Variants in IGSF11 observed in about 807,000 individuals in gnomAD.
IGSF11 encodes the protein CXADR like 1.
Under a neutral mutation model 41.0 loss-of-function variants are expected in IGSF11, and 22 were observed. That is an observed-to-expected ratio of 0.54 (90% CI 0.38 to 0.77). The LOEUF is 0.77. Ranked by LOEUF, IGSF11 falls within the 30% of genes least tolerant of loss-of-function variation. The pLI is 0.00. For missense variants in IGSF11, 444 were observed against 530.8 expected, an observed-to-expected ratio of 0.84 and a Z score of 1.61; for synonymous variants, 219 against 201.3, an observed-to-expected ratio of 1.09 and a Z score of -0.74.
intron 1 of IGSF11, among the ~76,000 whole-genome samples, chr3:119,071,632 T>C (rs116810767): frequency 0.016 from 2,432 of 152,128 alleles, 77 homozygotes; most frequent in African/African-American, 0.056. Flanking sequence ...AAATTGACCA[T>C]ATATATGAGC....
chr3:119,084,231 G>T (rs189309438), intron 1 of IGSF11, among the ~76,000 whole-genome samples: 15 of 152,218 alleles, frequency 9.9e-5, no homozygotes, highest in Non-Finnish European at 2.1e-4. Flanking sequence ...ACCAAATGTG[G>T]AAGGTGAAAA....
At chr3:119,057,073 G>T (rs1351341697) in intron 1 of IGSF11, among the ~76,000 whole-genome samples, 52 of 152,104 alleles carry the variant, frequency 3.4e-4, no homozygotes, top group African/African-American at 7.7e-4. Context: ...AAGACAGGGA[G>T]GCCCTCTCTC....
intron 1 of IGSF11, among the ~76,000 whole-genome samples, chr3:119,010,392 G>C (rs1015175333): frequency 1.3e-5 from 2 of 152,254 alleles, no homozygotes; most frequent in African/African-American, 4.8e-5. Flanking sequence ...AACTTAACTA[G>C]AGTAAGGGAT....
In IGSF11 at chr3:118,967,792, T is replaced by C. The variant is rs561706148; in HGVS notation, c.53-37517A>G. ...AGCAAGTGAATACATATAGTTGTAT[T>C]GTTTTCCTCTTTGTAGGAGCTTTTC... On this transcript the variant is annotated intron_variant, in intron 1 of 6. Transcript: ENST00000393775. Among the ~76,000 whole-genome samples, 20 of 152,344 alleles carry C rather than the reference T, an allele frequency of 1.3e-4. 1 individual carries two copies. In the South Asian group the frequency reaches 3.1e-3, roughly 24 times the overall value.
chr3:119,107,310 G>A (rs1161382085), upstream of IGSF11, among the ~76,000 whole-genome samples: 3 of 152,158 alleles, frequency 2.0e-5, no homozygotes, highest in Non-Finnish European at 4.4e-5. Context: ...TCTCATTGTG[G>A]TTTTGATTTG....
intron 1 of IGSF11, among the ~76,000 whole-genome samples, chr3:118,934,860 C>T (rs1243605208): frequency 6.6e-6 from 1 of 152,140 alleles, no homozygotes; most frequent in African/African-American, 2.4e-5. Context: ...CTCTTGACTC[C>T]TGGAATCTGA....
At chr3:118,928,433 A>C in intron 3 of IGSF11, 76 bp downstream of exon 3, 1 of 1,146,120 alleles carries the variant, frequency 8.7e-7, no homozygotes, top group Non-Finnish European at 1.3e-6. Flanking sequence ...GTGTAGAAAC[A>C]AGGGCAGAAG....
At chr3:119,011,087 C>T (rs1329573023) in intron 1 of IGSF11, among the ~76,000 whole-genome samples, 5 of 152,030 alleles carry the variant, frequency 3.3e-5, no homozygotes, top group African/African-American at 1.2e-4. Context: ...CAACGTTGGA[C>T]AACATATGAA....
chr3:118,968,383 G>C (rs1932953201), intron 1 of IGSF11, among the ~76,000 whole-genome samples: 3 of 152,138 alleles, frequency 2.0e-5, no homozygotes, highest in Admixed American at 6.5e-5. Flanking sequence ...CATGAGAAAA[G>C]AAGATCTAGC....
At chr3:119,115,102 T>C (rs1364764373) in intron 1 of IGSF11, among the ~76,000 whole-genome samples, 4 of 152,142 alleles carry the variant, frequency 2.6e-5, no homozygotes, top group South Asian at 2.1e-4. Context: ...TCCTTGAACA[T>C]TGGGGTTACA....
intron 1 of IGSF11, among the ~76,000 whole-genome samples, chr3:118,939,999 C>T (rs1025494963): frequency 6.6e-6 from 1 of 152,028 alleles, no homozygotes; most frequent in Non-Finnish European, 1.5e-5. Context: ...ATTATCAATT[C>T]AGATATGAAA....
intron 4 of IGSF11, among the ~76,000 whole-genome samples, chr3:118,913,892 A>G (rs942710921): frequency 3.9e-5 from 6 of 152,250 alleles, no homozygotes; most frequent in African/African-American, 4.8e-5. Context: ...GAAATTAAAC[A>G]TATCAGACAG....
rs540729883 is a variant in IGSF11 at position 119,100,129 on chromosome 3, G to A, written c.49+5015C>T. Reference sequence around the variant, plus strand: ...TTTAATATTTTTAGACTGCAATTGTGGGTAACTGAAACTGCAGAAAGCAAA... The same window carrying A: ...TTTAATATTTTTAGACTGCAATTGTAGGTAACTGAAACTGCAGAAAGCAAA... On this transcript the variant is annotated intron_variant, in intron 1 of 6. Transcript: ENST00000354673. 2.0e-5 allele frequency among the ~76,000 whole-genome samples: 3 copies of A among 152,238 alleles called. No individual in the cohort carries two copies. The East Asian group carries it at 5.8e-4, about 29-fold the overall frequency.
chr3:118,923,494 TTCA>T (rs1942019924), intron 4 of IGSF11, among the ~76,000 whole-genome samples: 1 of 152,206 alleles, frequency 6.6e-6, no homozygotes, highest in African/African-American at 2.4e-5. Context: ...TTTATATTGT[TTCA>T]TCAATTATCT....
At chr3:119,050,152 A>G (rs998487276) in intron 1 of IGSF11, among the ~76,000 whole-genome samples, 10 of 151,012 alleles carry the variant, frequency 6.6e-5, no homozygotes, top group African/African-American at 2.4e-4. Flanking sequence ...GACAAATGGG[A>G]CCTAATTAAA....
At chr3:119,001,493 T>A (rs1267360529) in intron 1 of IGSF11, among the ~76,000 whole-genome samples, 1 of 148,324 alleles carries the variant, frequency 6.7e-6, no homozygotes, top group African/African-American at 2.5e-5. Flanking sequence ...TATTATACTT[T>A]AAGTTTTAGG....
At chr3:118,996,546 C>G (rs1047379590) in intron 1 of IGSF11, among the ~76,000 whole-genome samples, 4 of 152,236 alleles carry the variant, frequency 2.6e-5, no homozygotes, top group African/African-American at 9.6e-5. Context: ...ACCATAAAAC[C>G]CTTCCGTGGA....
chr3:119,035,737 T>C (rs1940864311), upstream of IGSF11, among the ~76,000 whole-genome samples: 1 of 152,228 alleles, frequency 6.6e-6, no homozygotes, highest in Non-Finnish European at 1.5e-5. Context: ...TATTCTCTTA[T>C]ACTGGGCTCT....
intron 1 of IGSF11, among the ~76,000 whole-genome samples, chr3:118,968,618 T>C (rs1932988658): frequency 6.6e-6 from 1 of 152,182 alleles, no homozygotes; most frequent in Non-Finnish European, 1.5e-5. Flanking sequence ...TTAAAAAATA[T>C]TACACAAGAC....
Sources: allele counts gnomAD v4.1 joint callset (sites outside exome capture counted in the v4.1 genomes callset), GRCh38; gene constraint gnomAD v4.1.1; transcripts MANE v1.5; gene names NCBI Gene and HGNC (gene_info 2026-07-23, HGNC 2026-07-21).